AHCY: variants seen among roughly 807,000 people sequenced by gnomAD.
The protein encoded by AHCY is S-adenosyl-L-homocysteine hydrolase.
Under a neutral mutation model 45.4 loss-of-function variants are expected in AHCY, and 24 were observed. That is an observed-to-expected ratio of 0.53 (90% confidence interval 0.38 to 0.74). The LOEUF (loss-of-function observed/expected upper bound fraction) is 0.74, where lower values mean the gene tolerates loss of function less well. AHCY is among the 30% of genes least tolerant of loss of function. The pLI is 0.00. For synonymous variants in AHCY, 245 were observed against 235.1 expected (o/e 1.04, Z -0.39); for missense variants, 449 against 594.1 (o/e 0.76, Z 2.54).
chr20:34,275,159 G>A, the AHCY span, among the ~76,000 whole-genome samples: 5 of 138,350 alleles, frequency 3.6e-5, no homozygotes, highest in African/African-American at 1.3e-4. Flanking sequence ...TTGAGATGGA[G>A]TCTCGCTCTG....
chr20:34,291,007 A>C (rs2036368887), intron 5 of AHCY, 69 bp from the exon 6 acceptor site: 1 of 1,526,044 alleles, frequency 6.6e-7, no homozygotes, highest in South Asian at 1.1e-5. Flanking sequence ...ACTTGGCCTC[A>C]GAGTATTCTG....
chr20:34,257,681 A>T, the AHCY span, among the ~76,000 whole-genome samples: 174 of 152,338 alleles, frequency 1.1e-3, 1 homozygote, highest in Non-Finnish European at 2.0e-3. Flanking sequence ...TATGATAACT[A>T]TTCATGATGT....
the AHCY span, among the ~76,000 whole-genome samples, chr20:34,265,492 C>T: frequency 3.3e-5 from 5 of 151,988 alleles, no homozygotes; most frequent in African/African-American, 1.2e-4. Context: ...CCACTGCACT[C>T]CAGCCTGGGC....
rs537692343 is a variant in AHCY at position 34,298,462 on chromosome 20, C to G, written c.29-2877G>C. ...GTGCGAGCCTTCTGTTATGCCCGGA[C>G]AGGGCCACCAGAGGGCTCCTTGGTC... is the stretch of plus-strand genomic sequence containing the variant. On this transcript the variant is annotated intron_variant, in intron 1 of 9. Transcript: ENST00000217426. Among the ~76,000 whole-genome samples, 59 of 152,248 alleles carry G rather than the reference C, an allele frequency of 3.9e-4. No homozygotes were observed. The East Asian group carries it at 0.011, about 28-fold the overall frequency.
chr20:34,267,553 C>A, the AHCY span, among the ~76,000 whole-genome samples: 2,359 of 147,488 alleles, frequency 0.016, 21 homozygotes, highest in Middle Eastern at 0.026. Context: ...TTTTTTGAGA[C>A]AGAGTTTTGC....
In AHCY at chr20:34,291,458, G is replaced by A; in HGVS notation, c.519C>T (p.Leu173=). ...NLYKMMANGI[L]KVPAINVNDS... ...CATTGACATTGATGGCAGGCACCTTGAGGATCCCATTGGCCATCATCTTGT... is the reference window on the plus strand; with the variant it reads ...CATTGACATTGATGGCAGGCACCTTAAGGATCCCATTGGCCATCATCTTGT... Residue 173 remains leucine, a synonymous_variant, in exon 5 of 10, where the codon CTC becomes CTT. Coordinates refer to ENST00000217426, the MANE Select transcript of AHCY (RefSeq NM_000687.4). 6.2e-7 allele frequency: 1 copy of A among 1,614,130 alleles called. No homozygotes were observed. Among genetic ancestry groups the A allele is most frequent in the Non-Finnish European group, 8.5e-7 (1 of 1,180,032 alleles).
At chr20:34,310,487 C>A (rs2036936888) in intron 1 of AHCY, among the ~76,000 whole-genome samples, 1 of 152,156 alleles carries the variant, frequency 6.6e-6, no homozygotes. Context: ...ATTGGCACAA[C>A]CTTAATGAAC....
intron 3 of AHCY, 30 bp from the exon 4 acceptor site, chr20:34,292,537 G>A: frequency 6.2e-7 from 1 of 1,613,540 alleles, no homozygotes; most frequent in Non-Finnish European, 8.5e-7. Flanking sequence ...TCAGGGCCTG[G>A]ACTTCCCAAC....
the AHCY span, among the ~76,000 whole-genome samples, chr20:34,242,611 A>G: frequency 6.6e-6 from 1 of 152,256 alleles, no homozygotes; most frequent in Non-Finnish European, 1.5e-5. Context: ...ACAAAACAAA[A>G]CAAAATGAAA....
At chr20:34,256,452 G>T in the AHCY span, among the ~76,000 whole-genome samples, 3 of 152,116 alleles carry the variant, frequency 2.0e-5, no homozygotes, top group African/African-American at 7.2e-5. Flanking sequence ...GGCTGGACCC[G>T]ATAACACCCG....
the AHCY span, among the ~76,000 whole-genome samples, chr20:34,266,516 T>C: frequency 6.6e-6 from 1 of 151,480 alleles, no homozygotes; most frequent in Non-Finnish European, 1.5e-5. Context: ...CTACTAAAAA[T>C]ACAAAAATTA....
At chr20:34,239,611 A>C in the AHCY span, among the ~76,000 whole-genome samples, 1 of 152,248 alleles carries the variant, frequency 6.6e-6, no homozygotes, top group Non-Finnish European at 1.5e-5. Context: ...TTTTCAGCCC[A>C]GTGTGGTTGG....
Position 34,303,286 on chromosome 20 carries a change from G to T in AHCY, c.-16C>A. 1 of 1,551,768 alleles carries T rather than the reference G, an allele frequency of 6.4e-7. No individual in the cohort carries two copies. Among genetic ancestry groups the T allele is most frequent in the Non-Finnish European group, 8.7e-7 (1 of 1,146,992 alleles). On this transcript the variant is annotated 5_prime_UTR_variant, in exon 1 of 10. Coordinates refer to ENST00000217426, the MANE Select transcript of AHCY (RefSeq NM_000687.4). ...TGTCAGACATGCTGGCGGCACTCGT[G>T]ATGGAAACGGGCGAAGGGGGCTGGG... is the stretch of plus-strand genomic sequence containing the variant.
the AHCY span, among the ~76,000 whole-genome samples, chr20:34,249,399 A>G: frequency 6.6e-6 from 1 of 151,468 alleles, no homozygotes; most frequent in Non-Finnish European, 1.5e-5. Flanking sequence ...AAGCAGTCTC[A>G]TTATTATATG....
chr20:34,248,290 C>G, the AHCY span, among the ~76,000 whole-genome samples: 2 of 152,220 alleles, frequency 1.3e-5, no homozygotes, highest in African/African-American at 4.8e-5. Flanking sequence ...CTTATGACAT[C>G]TCAATATTAC....
the AHCY span, chr20:34,262,816 T>C: frequency 1.9e-6 from 3 of 1,613,716 alleles, no homozygotes; most frequent in South Asian, 2.2e-5. Context: ...TTTGCTCCTT[T>C]TGTCTCTCTT....
In AHCY at chr20:34,283,138, A is replaced by G. The variant is rs943798278; in HGVS notation, c.1168-1973T>C. ...TAGAACGATGGCCTCCAACCCCCAC[A>G]GTACACATTGAAATCAACCTTCTGC... On this transcript the variant is annotated intron_variant, in intron 9 of 9. Coordinates refer to ENST00000217426, the MANE Select transcript of AHCY (RefSeq NM_000687.4). Among the ~76,000 whole-genome samples the G allele has an allele frequency of 3.3e-5, 5 of 152,074 alleles. 1 individual carries two copies. The East Asian group carries it at 9.6e-4, about 29-fold the overall frequency.
chr20:34,273,487 T>C, the AHCY span, among the ~76,000 whole-genome samples: 3 of 152,190 alleles, frequency 2.0e-5, no homozygotes, highest in Non-Finnish European at 4.4e-5. Context: ...CACCTCGACT[T>C]CCCAGAGTGC....
chr20:34,277,733 C>A (rs1163841225), downstream of AHCY, among the ~76,000 whole-genome samples: 7 of 125,660 alleles, frequency 5.6e-5, no homozygotes, highest in African/African-American at 1.9e-4. Flanking sequence ...CCAGCCTGGG[C>A]GACAGAGCAA....
Sources: gnomAD v4.1 joint callset for allele counts (sites outside exome capture counted in the v4.1 genomes callset) on GRCh38, gnomAD v4.1.1 for gene constraint, MANE v1.5 for transcripts, NCBI Gene and HGNC (gene_info 2026-07-23, HGNC 2026-07-21) for gene names.